C8orf34: variants seen among roughly 807,000 people sequenced by gnomAD.
C8orf34 encodes the protein uncharacterized protein C8orf34.
A neutral mutation model predicts 68.3 loss-of-function variants in C8orf34; 65 were observed. That is an observed-to-expected ratio of 0.95 (90% confidence interval 0.78 to 1.17). The LOEUF is 1.17. Among genes scored for constraint, C8orf34 ranks in the 50% most tolerant of loss-of-function variants. C8orf34 has a pLI of 0.00. For missense variants in C8orf34, 664 were observed against 655.4 expected (o/e 1.01, Z -0.14); for synonymous variants, 244 against 241.2 (o/e 1.01, Z -0.11).
chr8:68,737,205 A>G (rs1822146224), intron 10 of C8orf34, among the ~76,000 whole-genome samples: 1 of 152,112 alleles, frequency 6.6e-6, no homozygotes, highest in Non-Finnish European at 1.5e-5. Flanking sequence ...CTTAGTTTAA[A>G]TTCTTATTTG....
At chr8:68,558,877 C>A (rs975360694) in intron 7 of C8orf34, among the ~76,000 whole-genome samples, 2 of 152,112 alleles carry the variant, frequency 1.3e-5, no homozygotes, top group East Asian at 1.9e-4. Context: ...AAGAAAAAAA[C>A]CGAATACAAA....
At chr8:68,419,542 A>G (rs940223282) in intron 1 of C8orf34, among the ~76,000 whole-genome samples, 71 of 152,038 alleles carry the variant, frequency 4.7e-4, no homozygotes, top group African/African-American at 1.6e-3. Context: ...TGTTTATTGC[A>G]GCATTATTCA....
intron 5 of C8orf34, among the ~76,000 whole-genome samples, chr8:68,514,082 C>T (rs59742505): frequency 0.18 from 26,909 of 151,996 alleles, 5,012 homozygotes; most frequent in African/African-American, 0.47. Flanking sequence ...CCCACAGCCA[C>T]GAAAATTCAG....
chr8:68,703,681 A>G (rs1056177574), intron 8 of C8orf34, among the ~76,000 whole-genome samples: 2 of 152,126 alleles, frequency 1.3e-5, no homozygotes, highest in South Asian at 2.1e-4. Flanking sequence ...TTCATCCTTC[A>G]GTGGGCACAC....
At chr8:68,450,679 A>G (rs1428750739) in intron 3 of C8orf34, among the ~76,000 whole-genome samples, 1 of 152,136 alleles carries the variant, frequency 6.6e-6, no homozygotes, top group Non-Finnish European at 1.5e-5. Flanking sequence ...TCTTCTTAGC[A>G]GTAGGTCTCA....
intron 12 of C8orf34, among the ~76,000 whole-genome samples, chr8:68,790,099 C>T (rs1408104381): frequency 2.0e-5 from 3 of 152,156 alleles, no homozygotes; most frequent in African/African-American, 7.2e-5. Context: ...CACAGAGATG[C>T]AAATAAGAGT....
intron 10 of C8orf34, among the ~76,000 whole-genome samples, chr8:68,749,802 T>C (rs1449276517): frequency 6.6e-6 from 1 of 152,154 alleles, no homozygotes; most frequent in African/African-American, 2.4e-5. Context: ...GAAAAAGTAG[T>C]TTATTGCTTT....
chr8:68,677,768 AAAT>A (rs2130864975), intron 8 of C8orf34, among the ~76,000 whole-genome samples: 1 of 152,332 alleles, frequency 6.6e-6, no homozygotes, highest in South Asian at 2.1e-4. Context: ...GAAATGAAGA[AAAT>A]AATACAAAAG....
chr8:68,481,101 G>A lies in C8orf34; in HGVS notation c.737-6922G>A, dbSNP rs62521838. Among the ~76,000 whole-genome samples the A allele has an allele frequency of 1.5e-3, 225 of 152,098 alleles. 3 individuals carry two copies. The highest frequency in any genetic ancestry group is 5.2e-3 in the Admixed American group (80 of 15,256). On this transcript the variant is annotated intron_variant, in intron 4 of 13. Transcript: ENST00000518698. ...AATGTAATTTCATGGGCCAGGTCCAGGGTTCCCATATTGTGTGCACGGGGT... is the reference window on the plus strand; with the variant it reads ...AATGTAATTTCATGGGCCAGGTCCAAGGTTCCCATATTGTGTGCACGGGGT...
chr8:68,794,470 T>C lies in C8orf34; in HGVS notation c.1549+6934T>C, dbSNP rs1233944994. Among the ~76,000 whole-genome samples the C allele has an allele frequency of 3.5e-5, 4 of 115,622 alleles. No individual in the cohort carries two copies. In the East Asian group the frequency reaches 1.0e-3, roughly 29 times the overall value. The allele number at this position is 115,622 out of a possible 152,430, so 75.9% of individuals were successfully genotyped here. On this transcript the variant is annotated intron_variant, in intron 12 of 13. Coordinates refer to ENST00000518698, the MANE Select transcript of C8orf34 (RefSeq NM_052958.4). ...TACTGGCATGAATCATTGTGCCCAG[T>C]ATATAAATATAAATATATATATATA...
chr8:68,783,621 T>C (rs1823757628), intron 11 of C8orf34, among the ~76,000 whole-genome samples: 1 of 150,178 alleles, frequency 6.7e-6, no homozygotes, highest in South Asian at 2.1e-4. Flanking sequence ...GTCTCTCACC[T>C]ACCTGAGATC....
At chr8:68,466,735 G>GTATATATATATATATA in intron 3 of C8orf34, among the ~76,000 whole-genome samples, 2 of 43,274 alleles carry the variant, frequency 4.6e-5, no homozygotes, top group Non-Finnish European at 4.0e-5. Flanking sequence ...AAACAACGTT[G>GTATATATATATATATA]TACATATATA....
intron 4 of C8orf34, among the ~76,000 whole-genome samples, chr8:68,472,121 CATG>C (rs1183376309): frequency 6.6e-6 from 1 of 152,100 alleles, no homozygotes; most frequent in Non-Finnish European, 1.5e-5. Context: ...TGGCAATCTG[CATG>C]ATATTGCTCT....
intron 1 of C8orf34, among the ~76,000 whole-genome samples, chr8:68,396,437 G>A (rs544719127): frequency 1.3e-5 from 2 of 151,926 alleles, no homozygotes; most frequent in Non-Finnish European, 2.9e-5. Context: ...CCCCTCACCT[G>A]TAAAGCAAGA....
chr8:68,622,833 AT>A (rs1818427015), intron 7 of C8orf34, among the ~76,000 whole-genome samples: 1 of 152,212 alleles, frequency 6.6e-6, no homozygotes, highest in Non-Finnish European at 1.5e-5. Context: ...TTTAAAGATG[AT>A]TTGGGGGAAG....
At chr8:68,353,566 CA>C (rs1806610725) in intron 1 of C8orf34, among the ~76,000 whole-genome samples, 1 of 144,634 alleles carries the variant, frequency 6.9e-6, no homozygotes, top group Non-Finnish European at 1.5e-5. Context: ...TGTGTGTGTG[CA>C]TATATATATA....
At chr8:68,812,660 G>A (rs1269819721) in intron 12 of C8orf34, among the ~76,000 whole-genome samples, 1 of 151,954 alleles carries the variant, frequency 6.6e-6, no homozygotes, top group Non-Finnish European at 1.5e-5. Context: ...CATTGTAAAT[G>A]TTCAACATAT....
chr8:68,451,983 G>A (rs1333302127), intron 3 of C8orf34, among the ~76,000 whole-genome samples: 4 of 151,902 alleles, frequency 2.6e-5, no homozygotes, highest in Non-Finnish European at 5.9e-5. Context: ...ATGACCTTTT[G>A]TCTCTGACTT....
intron 8 of C8orf34, among the ~76,000 whole-genome samples, chr8:68,673,400 A>G (rs565296574): frequency 6.6e-6 from 1 of 152,016 alleles, no homozygotes; most frequent in East Asian, 1.9e-4. Flanking sequence ...GTCAGAGGAG[A>G]GCCCACTGTC....
Sources: gnomAD v4.1 joint callset for allele counts (sites outside exome capture counted in the v4.1 genomes callset) on GRCh38, gnomAD v4.1.1 for gene constraint, MANE v1.5 for transcripts, NCBI Gene and HGNC (gene_info 2026-07-23, HGNC 2026-07-21) for gene names.